QTMAN: variants seen among roughly 807,000 people sequenced by gnomAD.
The protein encoded by QTMAN is tRNA-queuosine alpha-mannosyltransferase.
At chr2:143,991,975 C>T in the QTMAN span, among the ~76,000 whole-genome samples, 19 of 152,222 alleles carry the variant, frequency 1.2e-4, no homozygotes, top group Non-Finnish European at 2.5e-4. Context: ...TCTGCCCGGC[C>T]GCCCCTACTG....
chr2:144,092,918 ACT>A, the QTMAN span, among the ~76,000 whole-genome samples: 1 of 140,816 alleles, frequency 7.1e-6, no homozygotes, highest in African/African-American at 2.8e-5. Context: ...TGTAGGAAAC[ACT>A]GAGTATCTGG....
chr2:144,200,690 C>A, the QTMAN span, among the ~76,000 whole-genome samples: 45 of 152,118 alleles, frequency 3.0e-4, no homozygotes, highest in Non-Finnish European at 5.4e-4. Flanking sequence ...AAGGGAAATT[C>A]CAGAAAATCA....
chr2:144,134,790 C>G, the QTMAN span, among the ~76,000 whole-genome samples: 1 of 151,988 alleles, frequency 6.6e-6, no homozygotes, highest in South Asian at 2.1e-4. Context: ...ACTTAAACTC[C>G]TAAGGATATA....
the QTMAN span, among the ~76,000 whole-genome samples, chr2:144,163,849 C>T: frequency 1.3e-5 from 2 of 152,164 alleles, no homozygotes; most frequent in Admixed American, 6.6e-5. Context: ...GGCAGACTAC[C>T]CAGGTCTACC....
At chr2:144,028,528 A>G in the QTMAN span, among the ~76,000 whole-genome samples, 1 of 152,318 alleles carries the variant, frequency 6.6e-6, no homozygotes, top group Non-Finnish European at 1.5e-5. Flanking sequence ...CTGGCCTTAC[A>G]TTCCTTAACC....
At chr2:144,086,270 T>C in the QTMAN span, among the ~76,000 whole-genome samples, 1 of 152,106 alleles carries the variant, frequency 6.6e-6, no homozygotes, top group African/African-American at 2.4e-5. Flanking sequence ...GTAATGGAGA[T>C]GTAGCTGGAA....
chr2:144,236,934 G>A, the QTMAN span, among the ~76,000 whole-genome samples: 1 of 151,878 alleles, frequency 6.6e-6, no homozygotes, highest in South Asian at 2.1e-4. Flanking sequence ...CAGAAATCAA[G>A]TAGAAGAAGG....
chr2:144,315,234 G>A, the QTMAN span, among the ~76,000 whole-genome samples: 1 of 152,126 alleles, frequency 6.6e-6, no homozygotes, highest in Non-Finnish European at 1.5e-5. Flanking sequence ...TCTCGAGGAT[G>A]GCAAGGATAG....
At chr2:144,249,079 A>G in the QTMAN span, among the ~76,000 whole-genome samples, 1 of 152,214 alleles carries the variant, frequency 6.6e-6, no homozygotes, top group Admixed American at 6.5e-5. Flanking sequence ...TGAGTGTAGG[A>G]TTTCCAAATG....
the QTMAN span, among the ~76,000 whole-genome samples, chr2:143,983,607 G>A: frequency 6.6e-6 from 1 of 151,794 alleles, no homozygotes; most frequent in East Asian, 1.9e-4. Context: ...CTAGTAGCTG[G>A]GACTACAGGT....
At chr2:144,198,296 G>C in the QTMAN span, among the ~76,000 whole-genome samples, 1 of 152,008 alleles carries the variant, frequency 6.6e-6, no homozygotes, top group Non-Finnish European at 1.5e-5. Context: ...GGTTTGAATG[G>C]GGTTGACTCC....
At chr2:143,961,398 C>T in the QTMAN span, among the ~76,000 whole-genome samples, 1 of 152,160 alleles carries the variant, frequency 6.6e-6, no homozygotes, top group East Asian at 1.9e-4. Flanking sequence ...ATAGCAACTA[C>T]ATCCTAAGAG....
chr2:144,127,153 C>A, the QTMAN span, among the ~76,000 whole-genome samples: 1 of 151,910 alleles, frequency 6.6e-6, no homozygotes, highest in East Asian at 1.9e-4. Context: ...TGAAGAGAAA[C>A]AGGTTTTCAA....
At chr2:143,993,863 A>C in the QTMAN span, among the ~76,000 whole-genome samples, 1 of 152,182 alleles carries the variant, frequency 6.6e-6, no homozygotes. Flanking sequence ...TAAATGTACC[A>C]CTCATAAACA....
At chr2:143,976,737 T>A in the QTMAN span, among the ~76,000 whole-genome samples, 1 of 152,236 alleles carries the variant, frequency 6.6e-6, no homozygotes, top group African/African-American at 2.4e-5. Flanking sequence ...TGCTCTTCTT[T>A]TCTCTCTTTT....
the QTMAN span, among the ~76,000 whole-genome samples, chr2:144,208,102 T>A: frequency 3.3e-5 from 5 of 152,100 alleles, no homozygotes; most frequent in African/African-American, 1.2e-4. Flanking sequence ...TCAAATCTAC[T>A]CACCCTTCAA....
chr2:144,070,778 T>C, the QTMAN span, among the ~76,000 whole-genome samples: 5 of 152,306 alleles, frequency 3.3e-5, no homozygotes, highest in Non-Finnish European at 7.4e-5. Flanking sequence ...TCCAGTATTA[T>C]GTAATTTAAC....
At chr2:144,043,632 CA>C in the QTMAN span, among the ~76,000 whole-genome samples, 15,194 of 132,438 alleles carry the variant, frequency 0.11, 1,115 homozygotes, top group East Asian at 0.27. Context: ...GACTCCGTCG[CA>C]AAAAAAAAAA....
chr2:144,095,275 T>C, the QTMAN span, among the ~76,000 whole-genome samples: 80 of 152,336 alleles, frequency 5.3e-4, no homozygotes, highest in African/African-American at 1.9e-3. Flanking sequence ...AACAGAATTT[T>C]ATTTAGTATT....
Sources: gnomAD v4.1 joint callset for allele counts (sites outside exome capture counted in the v4.1 genomes callset) on GRCh38, gnomAD v4.1.1 for gene constraint, MANE v1.5 for transcripts, NCBI Gene and HGNC (gene_info 2026-07-23, HGNC 2026-07-21) for gene names.